Variants in FRMD4B observed in about 807,000 individuals in gnomAD.
The protein encoded by FRMD4B is FERM domain-containing protein 4B.
FRMD4B carries 74 observed loss-of-function variants against 141.5 expected under a neutral mutation model. The ratio of observed to expected loss-of-function variants is 0.52; its 90% confidence interval spans 0.43 to 0.63. The LOEUF is 0.63. Among genes scored for constraint, FRMD4B ranks in the 30% least tolerant of loss-of-function variants. The pLI is 0.00. For missense variants in FRMD4B, 1,366 were observed against 1,253.4 expected, an observed-to-expected ratio of 1.09 and a Z score of -1.36; for synonymous variants, 506 against 467.9, an observed-to-expected ratio of 1.08 and a Z score of -1.05.
intron 7 of FRMD4B, among the ~76,000 whole-genome samples, chr3:69,232,914 G>GTT (rs58551547): frequency 6.2e-5 from 8 of 128,816 alleles, no homozygotes; most frequent in Admixed American, 4.9e-4. Flanking sequence ...TTTGTTGTTT[G>GTT]TTTTTTTTTT....
At chr3:69,520,348 AATATATATATGATGGAAT>A (rs1485119083) in intron 1 of FRMD4B, among the ~76,000 whole-genome samples, 47 of 78,686 alleles carry the variant, frequency 6.0e-4, no homozygotes, top group African/African-American at 2.3e-3. Context: ...TATATGATGG[AATATATATATGATGGAAT>A]ATATATATAT....
rs775304955 is a variant in FRMD4B at position 69,311,355 on chromosome 3, G to T, written c.231C>A (p.Pro77=). 7 of 1,580,454 alleles carry T rather than the reference G, an allele frequency of 4.4e-6. 1 individual carries two copies. The South Asian group carries it at 7.8e-5, about 18-fold the overall frequency. Residue 77 remains proline, a splice_region_variant and synonymous_variant, in exon 3 of 23, where the codon CCC becomes CCA. Coordinates refer to ENST00000398540, the MANE Select transcript of FRMD4B (RefSeq NM_015123.3). ...CCAGCAACTCTCTTGCTAGAAGTTTGGGCTGTCAAAATAAAAATCTGGTTA... is the reference window on the plus strand; with the variant it reads ...CCAGCAACTCTCTTGCTAGAAGTTTTGGCTGTCAAAATAAAAATCTGGTTA... ...DDRRLELLVQ[P]KLLARELLDL...
At chr3:69,321,557 C>G (rs1701998792) in intron 1 of FRMD4B, among the ~76,000 whole-genome samples, 1 of 152,180 alleles carries the variant, frequency 6.6e-6, no homozygotes, top group Non-Finnish European at 1.5e-5. Flanking sequence ...TGGTCCAAAA[C>G]TGTCTAAGAG....
At chr3:69,539,861 G>A (rs539416663) in intron 1 of FRMD4B, among the ~76,000 whole-genome samples, 5 of 152,274 alleles carry the variant, frequency 3.3e-5, no homozygotes, top group Non-Finnish European at 5.9e-5. Flanking sequence ...GTGTGTGTGC[G>A]TGTTACTTTT....
chr3:69,287,868 GA>G, intron 4 of FRMD4B, 32 bp from the exon 5 acceptor site: 2 of 1,085,014 alleles, frequency 1.8e-6, no homozygotes, highest in East Asian at 4.9e-5. Flanking sequence ...TGTTCCTTCA[GA>G]TTTATTTTCA....
chr3:69,231,920 C>T (rs767095696), intron 7 of FRMD4B, among the ~76,000 whole-genome samples: 7 of 152,174 alleles, frequency 4.6e-5, no homozygotes, highest in Non-Finnish European at 8.8e-5. Context: ...CATTTGTTCA[C>T]CCTCCCGGGG....
intron 1 of FRMD4B, among the ~76,000 whole-genome samples, chr3:69,502,221 C>A (rs2107067142): frequency 6.6e-6 from 1 of 152,314 alleles, no homozygotes; most frequent in East Asian, 1.9e-4. Context: ...CCTGCATTGC[C>A]AAGTCAATCC....
At chr3:69,539,301 G>A (rs540756703) in intron 1 of FRMD4B, among the ~76,000 whole-genome samples, 1 of 152,136 alleles carries the variant, frequency 6.6e-6, no homozygotes, top group African/African-American at 2.4e-5. Flanking sequence ...GGAATCAAAC[G>A]GAGAACTAGG....
At chr3:69,291,967 A>C (rs1442471635) in intron 4 of FRMD4B, among the ~76,000 whole-genome samples, 2 of 150,122 alleles carry the variant, frequency 1.3e-5, no homozygotes, top group Non-Finnish European at 3.0e-5. Flanking sequence ...AGTAGGCAAC[A>C]AATTATGAGC....
chr3:69,440,319 T>A (rs1672136540), intron 1 of FRMD4B, among the ~76,000 whole-genome samples: 1 of 152,260 alleles, frequency 6.6e-6, no homozygotes, highest in Non-Finnish European at 1.5e-5. Flanking sequence ...TGTGTTTTCC[T>A]CTGTAACTTC....
At chr3:69,376,639 T>C (rs1703978692) in intron 1 of FRMD4B, among the ~76,000 whole-genome samples, 1 of 152,184 alleles carries the variant, frequency 6.6e-6, no homozygotes, top group Non-Finnish European at 1.5e-5. Context: ...CTAGCATTTT[T>C]TATAGCAAAA....
In FRMD4B at chr3:69,501,923, C is replaced by T. The variant is rs544748579; in HGVS notation, c.-129+40283G>A. 1.1e-4 allele frequency among the ~76,000 whole-genome samples: 17 copies of T among 152,234 alleles called. 1 individual carries two copies. The highest frequency in any genetic ancestry group is 3.9e-4 in the African/African-American group (16 of 41,530). ...GAGAGCCAAATCATGAGTGAATTCC[C>T]GTTCACAATTGCTTCAAAGAGAATA... is the stretch of plus-strand genomic sequence containing the variant. On this transcript the variant is annotated intron_variant, in intron 1 of 5. Transcript: ENST00000459638.
intron 12 of FRMD4B, chr3:69,197,634 T>C (rs2092922245): frequency 6.8e-6 from 1 of 147,776 alleles, no homozygotes; most frequent in East Asian, 2.0e-4. Flanking sequence ...GGAGGGGAAG[T>C]GAAAGAGAGA....
intron 1 of FRMD4B, among the ~76,000 whole-genome samples, chr3:69,499,767 G>A (rs1706462202): frequency 6.6e-6 from 1 of 152,150 alleles, no homozygotes; most frequent in Non-Finnish European, 1.5e-5. Flanking sequence ...CAAGCCTTCT[G>A]GTGTTAATAG....
At chr3:69,179,875 T>C (rs2092686465) in intron 21 of FRMD4B, among the ~76,000 whole-genome samples, 1 of 152,198 alleles carries the variant, frequency 6.6e-6, no homozygotes, top group African/African-American at 2.4e-5. Flanking sequence ...TGAATGTGGC[T>C]GCTCATTTGC....
chr3:69,428,865 G>A (rs1216578676), intron 2 of FRMD4B, among the ~76,000 whole-genome samples: 3 of 152,044 alleles, frequency 2.0e-5, no homozygotes, highest in Non-Finnish European at 4.4e-5. Flanking sequence ...CTTCCCTACA[G>A]CTCTTGGCAA....
At position 69,313,504 on chromosome 3, in the gene FRMD4B, C is replaced by T. The variant is rs977865348; in HGVS notation, c.176G>A (p.Arg59Lys). Residue 59 changes from arginine (R) to lysine (K), a missense_variant, in exon 2 of 23, where the codon AGG (arginine) becomes AAG (lysine). Physicochemically the swap from Arg to Lys is conservative, Grantham distance 26 (BLOSUM62 2). Transcript: ENST00000398540. The part of the protein sequence containing the change: ...LQDVYQMTEG[R>K]HCQVHLLDDR... ...ATCCAGGAGGTGCACCTGGCAGTGC[C>T]TGCCTTCTGTCATCTGCAGGAACAA... 4.5e-6 allele frequency: 7 copies of T among 1,569,266 alleles called. No homozygotes were observed. Among genetic ancestry groups the T allele is most frequent in the Non-Finnish European group, 6.1e-6 (7 of 1,156,006 alleles).
At position 69,214,769 on chromosome 3, in the gene FRMD4B, G is replaced by A. The variant is rs772154100; in HGVS notation, c.876+1494C>T. On this transcript the variant is annotated intron_variant, in intron 11 of 22. Coordinates refer to ENST00000398540, the MANE Select transcript of FRMD4B (RefSeq NM_015123.3). ...CCAAGCTACTTGGGAGGCTGAGGTG[G>A]AAGGATTGCTTGAGCCAGGGAAATC... is the stretch of plus-strand genomic sequence containing the variant. Among the ~76,000 whole-genome samples, 63 of 152,262 alleles carry A rather than the reference G, an allele frequency of 4.1e-4. 1 individual carries two copies. Among genetic ancestry groups the A allele is most frequent in the Middle Eastern group, 6.8e-3 (2 of 294 alleles).
intron 2 of FRMD4B, among the ~76,000 whole-genome samples, chr3:69,412,927 C>T (rs760155927): frequency 2.7e-5 from 4 of 147,624 alleles, no homozygotes; most frequent in Admixed American, 6.9e-5. Context: ...AAGCTTCACA[C>T]GCACCAGGCA....
Sources: gnomAD v4.1 joint callset for allele counts (sites outside exome capture counted in the v4.1 genomes callset) on GRCh38, gnomAD v4.1.1 for gene constraint, MANE v1.5 for transcripts, NCBI Gene and HGNC (gene_info 2026-07-23, HGNC 2026-07-21) for gene names.